SLC26A3: variants seen among roughly 807,000 people sequenced by gnomAD.
SLC26A3 encodes the protein solute carrier family 26 member 3, also known as chloride anion exchanger.
A neutral mutation model predicts 85.6 loss-of-function variants in SLC26A3; 64 were observed. The observed-to-expected ratio is 0.75, with a 90% CI of 0.61 to 0.92. The LOEUF (loss-of-function observed/expected upper bound fraction) is 0.92, where lower values mean the gene tolerates loss of function less well. Ranked by LOEUF, SLC26A3 falls within the 40% of genes least tolerant of loss-of-function variation. SLC26A3 has a pLI of 0.00. For synonymous variants in SLC26A3, 349 were observed against 336.0 expected (o/e 1.04, Z -0.42); for missense variants, 922 against 927.3 (o/e 0.99, Z 0.07).
chr7:107,799,261 G>A (rs769733534), intron 1 of SLC26A3, among the ~76,000 whole-genome samples: 3 of 152,148 alleles, frequency 2.0e-5, no homozygotes, highest in South Asian at 2.1e-4. Flanking sequence ...TAAATTAATC[G>A]GGAGGTACAA....
intron 13 of SLC26A3, among the ~76,000 whole-genome samples, chr7:107,777,595 G>A (rs41672): frequency 0.61 from 93,009 of 151,960 alleles, 29,191 homozygotes; most frequent in African/African-American, 0.75. Flanking sequence ...TGTCTCAAAA[G>A]ACAATAAATA....
chr7:107,802,941 C>T (rs4730268), intron 1 of SLC26A3, among the ~76,000 whole-genome samples, 170 bp downstream of exon 1: 27,654 of 152,042 alleles, frequency 0.18, 2,865 homozygotes, highest in South Asian at 0.26. Context: ...ACATTGCTAG[C>T]GCTCCAGACA....
At position 107,791,915 on chromosome 7, in the gene SLC26A3, G is replaced by T; in HGVS notation, c.297C>A (p.Asp99Glu). 1 of 1,613,300 alleles carries T rather than the reference G, an allele frequency of 6.2e-7. No individual in the cohort carries two copies. The highest frequency in any genetic ancestry group is 1.3e-5 in the African/African-American group (1 of 75,048). Residue 99 changes from aspartate to glutamate, a missense_variant, in exon 4 of 21, where the codon GAC becomes GAA. Transcript: ENST00000340010. The part of the protein sequence containing the change: ...LQGLAFALLV[D>E]IPPVYGLYAS... ...CATACAACCCATAGACTGGGGGAAT[G>T]TCGACCAGCAGAGCAAATGCTAAAC...
chr7:107,782,861 A>T lies in SLC26A3; in HGVS notation c.1247T>A (p.Ile416Asn). ...GACAATCAGCACGATGATGGCACCA[A>T]TAAGCCCAGCAATCTGTGAGGATAA... ...TGGKTQIAGL[I>N]GAIIVLIVVL... The change falls in exon 11 of 21, where the codon ATT (isoleucine) becomes AAT (asparagine). Residue 416 changes from isoleucine (I) to asparagine (N), a missense_variant. Physicochemically the swap from Ile to Asn is moderately radical, Grantham distance 149. Coordinates refer to ENST00000340010, the MANE Select transcript of SLC26A3 (RefSeq NM_000111.3). 1 of 1,614,170 alleles carries T rather than the reference A, an allele frequency of 6.2e-7. No homozygotes were observed. Among genetic ancestry groups the T allele is most frequent in the Non-Finnish European group, 8.5e-7 (1 of 1,180,014 alleles).
Position 107,783,370 on chromosome 7 carries a change from C to T in SLC26A3, c.972-18G>A. 6.2e-7 allele frequency: 1 copy of T among 1,613,990 alleles called. No homozygotes were observed. The highest frequency in any genetic ancestry group is 1.1e-5 in the South Asian group (1 of 91,090). ...GCTGAAATCTAAAATTGAAATTAAG[C>T]AAGTCTGAATGTCACCAACCAATTT... On this transcript the variant is annotated intron_variant, in intron 8 of 20. Transcript: ENST00000340010.
In SLC26A3 at chr7:107,794,262, G is replaced by A. The variant is rs147535196; in HGVS notation, c.131+117C>T. On this transcript the variant is annotated intron_variant, in intron 2 of 20. Coordinates refer to ENST00000340010, the MANE Select transcript of SLC26A3 (RefSeq NM_000111.3). Reference sequence around the variant, plus strand: ...GAGTAGGAGGTTTGGAAACTAAAGAGGAAAGGACTGTAGGCTGTGGACTAG... The same window carrying A: ...GAGTAGGAGGTTTGGAAACTAAAGAAGAAAGGACTGTAGGCTGTGGACTAG... 5.0e-6 allele frequency: 6 copies of A among 1,204,148 alleles called. No homozygotes were observed. In the East Asian group the frequency reaches 7.0e-5, roughly 14 times the overall value. 74.6% of individuals were successfully genotyped at this position (1,204,148 alleles called of 1,614,324 possible).
At chr7:107,788,784 C>CTTTTTTTTTTTTTTTTTTTTTTTTTTTT (rs71861759) in intron 6 of SLC26A3, among the ~76,000 whole-genome samples, 5 of 108,064 alleles carry the variant, frequency 4.6e-5, no homozygotes, top group African/African-American at 6.9e-5. Context: ...TTTTTCTTTT[C>CTTTTTTTTTTTTTTTTTTTTTTTTTTTT]TTTTTTTTTT....
At chr7:107,780,582 T>C (rs1332829560) in intron 11 of SLC26A3, among the ~76,000 whole-genome samples, 9 of 152,236 alleles carry the variant, frequency 5.9e-5, no homozygotes, top group Admixed American at 5.9e-4. Context: ...ATGGAATTTG[T>C]ATACTGCTAT....
chr7:107,785,878 GA>G (rs1794286665), intron 8 of SLC26A3, among the ~76,000 whole-genome samples: 1 of 152,082 alleles, frequency 6.6e-6, no homozygotes, highest in African/African-American at 2.4e-5. Context: ...CATAGAGAGG[GA>G]GAGAAGTCTT....
chr7:107,765,890 C>G lies in SLC26A3; in HGVS notation c.2272-12G>C. The G allele has an allele frequency of 6.2e-7, 1 of 1,608,448 alleles. No individual in the cohort carries two copies. The highest frequency in any genetic ancestry group is 1.7e-4 in the Middle Eastern group (1 of 6,034). On this transcript the variant is annotated splice_polypyrimidine_tract_variant and intron_variant, in intron 20 of 20. Transcript: ENST00000340010. ...GTTTCAACTGGCACCTGGAAGAAGA[C>G]AGAAAGTTCTTGTTTTAAAATACTC...
intron 1 of SLC26A3, among the ~76,000 whole-genome samples, chr7:107,802,336 A>T (rs1253142057): frequency 1.3e-5 from 2 of 152,060 alleles, no homozygotes; most frequent in Non-Finnish European, 1.5e-5. Flanking sequence ...CTAATGTATT[A>T]TATTATATTA....
chr7:107,791,566 C>T (rs752974661), intron 4 of SLC26A3, among the ~76,000 whole-genome samples: 5 of 151,926 alleles, frequency 3.3e-5, no homozygotes, highest in South Asian at 2.1e-4. Context: ...GAGCTGAGAT[C>T]GTGCCACTGC....
intron 8 of SLC26A3, among the ~76,000 whole-genome samples, chr7:107,784,489 G>A (rs1399102875): frequency 6.6e-6 from 1 of 151,986 alleles, no homozygotes; most frequent in African/African-American, 2.4e-5. Context: ...TCTTTCCCAG[G>A]CTGGAGTGCA....
At chr7:107,776,235 A>G (rs1794112734) in intron 15 of SLC26A3, 1 of 587,846 alleles carries the variant, frequency 1.7e-6, no homozygotes, top group African/African-American at 1.9e-5. Flanking sequence ...ATTCTTCTAT[A>G]TTAGATGTCA....
chr7:107,770,028 T>C (rs867189989), intron 18 of SLC26A3, among the ~76,000 whole-genome samples: 1 of 46,564 alleles, frequency 2.1e-5, no homozygotes. Context: ...CTTTCTTTCT[T>C]TCTTTCTTTC....
chr7:107,782,788 C>T lies in SLC26A3; in HGVS notation c.1311+9G>A. On this transcript the variant is annotated intron_variant, in intron 11 of 20. Coordinates refer to ENST00000340010, the MANE Select transcript of SLC26A3 (RefSeq NM_000111.3). ...TAAAAGTAGAGATGCTATCCAAAGA[C>T]AGTGTTACCTTTTGTAGAGGCGCCA... 1 of 1,613,024 alleles carries T rather than the reference C, an allele frequency of 6.2e-7. No homozygotes were observed. The highest frequency in any genetic ancestry group is 8.5e-7 in the Non-Finnish European group (1 of 1,179,000).
chr7:107,793,469 C>T (rs867186559), intron 3 of SLC26A3, among the ~76,000 whole-genome samples: 1 of 152,088 alleles, frequency 6.6e-6, no homozygotes, highest in Non-Finnish European at 1.5e-5. Context: ...GAAAACATTA[C>T]GGTGAGTGAA....
intron 8 of SLC26A3, 32 bp from the exon 9 acceptor site, chr7:107,783,384 A>C (rs1392436892): frequency 3.2e-5 from 51 of 1,613,362 alleles, no homozygotes; most frequent in Non-Finnish European, 3.9e-5. Flanking sequence ...TCTGAATGTC[A>C]CCAACCAATT....
chr7:107,781,213 T>C lies in SLC26A3; in HGVS notation c.1312-1450A>G, dbSNP rs78217619. Among the ~76,000 whole-genome samples the C allele has an allele frequency of 2.3e-3, 346 of 152,276 alleles. 16 individuals are homozygous for C. The East Asian group carries it at 0.058, about 26-fold the overall frequency. On this transcript the variant is annotated intron_variant, in intron 11 of 20. Coordinates refer to ENST00000340010, the MANE Select transcript of SLC26A3 (RefSeq NM_000111.3). ...AATCTGGTATCCATACTGCATTTGA[T>C]ATAAAGGATTAAATGAAGAGAAAAC...
Sources: allele counts gnomAD v4.1 joint callset (sites outside exome capture counted in the v4.1 genomes callset), GRCh38; gene constraint gnomAD v4.1.1; transcripts MANE v1.5; gene names NCBI Gene and HGNC (gene_info 2026-07-23, HGNC 2026-07-21).